Variants in TUT4 observed in about 807,000 individuals in gnomAD.
TUT4 encodes the protein terminal uridylyltransferase 4.
In TUT4, 36 loss-of-function variants were observed where a neutral mutation model predicts 192.2. That is an observed-to-expected ratio of 0.19 (90% CI 0.14 to 0.25). TUT4 has a LOEUF of 0.25. Among genes scored for constraint, TUT4 ranks in the 10% least tolerant of loss-of-function variants. TUT4 has a pLI of 1.00. For missense variants in TUT4, 1,493 were observed against 1,957.2 expected, an observed-to-expected ratio of 0.76 and a Z score of 4.47; for synonymous variants, 618 against 666.0, an observed-to-expected ratio of 0.93 and a Z score of 1.11.
intron 13 of TUT4, 120 bp from the exon 14 acceptor site, chr1:52,472,222 G>T: frequency 1.0e-6 from 1 of 994,942 alleles, no homozygotes; most frequent in African/African-American, 1.7e-5. Context: ...GCTTTCAGGA[G>T]GTAATTAAAA....
intron 4 of TUT4, among the ~76,000 whole-genome samples, chr1:52,509,207 C>T (rs372198567): frequency 6.6e-6 from 1 of 152,310 alleles, no homozygotes; most frequent in East Asian, 1.9e-4. Flanking sequence ...TCTTCCCCCC[C>T]TAACAAGACT....
chr1:52,515,770 TAAGGAAAGATG>T, intron 3 of TUT4, 110 bp downstream of exon 3: 1 of 1,128,754 alleles, frequency 8.9e-7, no homozygotes, highest in Non-Finnish European at 1.3e-6. Context: ...AAGAGGGAAG[TAAGGAAAGATG>T]AATGCAACCT....
chr1:52,458,578 C>T (rs1262012134), intron 19 of TUT4, 129 bp from the exon 20 acceptor site: 1 of 605,714 alleles, frequency 1.7e-6, no homozygotes, highest in Non-Finnish European at 2.8e-6. Flanking sequence ...ACAAACTGCA[C>T]CGTCTATAAT....
chr1:52,453,578 G>A (rs1273170367), intron 20 of TUT4, among the ~76,000 whole-genome samples: 1 of 149,350 alleles, frequency 6.7e-6, no homozygotes, highest in Non-Finnish European at 1.5e-5. Flanking sequence ...AATTTCCTCA[G>A]CTTGTTAAAC....
At chr1:52,532,076 C>T (rs1449956903) in intron 1 of TUT4, among the ~76,000 whole-genome samples, 1 of 151,504 alleles carries the variant, frequency 6.6e-6, no homozygotes, top group East Asian at 1.9e-4. Context: ...TTAGCAGATA[C>T]GGGGTTTTAC....
In TUT4 at chr1:52,474,933, A is replaced by G; in HGVS notation, c.2626T>C (p.Cys876Arg). ...TCAGAAGCATCTTCTGTAGCTTTGC[A>G]GTTGCAAGAGGTAGCAGATGTGTCG... Reference protein sequence around the residue: ...CTDTSATSCNCKATEDASDLN... With the variant: ...CTDTSATSCNRKATEDASDLN... The change falls in exon 13 of 30, where the codon TGC becomes CGC. Residue 876 changes from cysteine (C) to arginine (R), a missense_variant. Physicochemically the swap from Cys to Arg is radical, Grantham distance 180 (BLOSUM62 -3). Transcript: ENST00000257177. The G allele has an allele frequency of 6.2e-7, 1 of 1,614,152 alleles. No individual in the cohort carries two copies. The highest frequency in any genetic ancestry group is 8.5e-7 in the Non-Finnish European group (1 of 1,180,028).
chr1:52,487,396 T>A (rs1419702259), intron 9 of TUT4, among the ~76,000 whole-genome samples: 3 of 151,884 alleles, frequency 2.0e-5, no homozygotes, highest in African/African-American at 7.3e-5. Context: ...AGGCTACTGT[T>A]AGCCGTGATC....
At chr1:52,550,001 T>C (rs1262412114) in intron 1 of TUT4, among the ~76,000 whole-genome samples, 1 of 152,196 alleles carries the variant, frequency 6.6e-6, no homozygotes, top group African/African-American at 2.4e-5. Flanking sequence ...TTTGCATTTA[T>C]ATACCCTTTC....
intron 4 of TUT4, among the ~76,000 whole-genome samples, chr1:52,501,649 T>C (rs1407896003): frequency 1.3e-5 from 2 of 152,124 alleles, no homozygotes; most frequent in Non-Finnish European, 2.9e-5. Context: ...CAAATAGGTA[T>C]TTGTACATCG....
At position 52,498,539 on chromosome 1, in the gene TUT4, C is replaced by T. The variant is rs150949344; in HGVS notation, c.1000-1356G>A. 2.4e-3 allele frequency among the ~76,000 whole-genome samples: 365 copies of T among 151,978 alleles called. 16 individuals carry two copies. The East Asian group carries it at 0.061, about 26-fold the overall frequency. On this transcript the variant is annotated intron_variant, in intron 4 of 29. Coordinates refer to ENST00000257177, the MANE Select transcript of TUT4 (RefSeq NM_001009881.3). ...GATTACAGGCGTGAGCCACAGCGCCCGGCCGTTTCACTTAGGATCCATCCA... is the reference window on the plus strand; with the variant it reads ...GATTACAGGCGTGAGCCACAGCGCCTGGCCGTTTCACTTAGGATCCATCCA...
chr1:52,490,203 T>G (rs1230847945), intron 8 of TUT4, among the ~76,000 whole-genome samples: 1 of 144,828 alleles, frequency 6.9e-6, no homozygotes, highest in African/African-American at 2.5e-5. Flanking sequence ...CAGGCTGGAG[T>G]GCAGTGGCAC....
At chr1:52,471,901 A>C in intron 14 of TUT4, 51 bp downstream of exon 14, 2 of 1,514,494 alleles carry the variant, frequency 1.3e-6, no homozygotes, top group East Asian at 2.3e-5. Context: ...ATTAATATTT[A>C]ATATCTAAGA....
chr1:52,532,189 T>C (rs909873890), intron 1 of TUT4, among the ~76,000 whole-genome samples: 19 of 152,072 alleles, frequency 1.2e-4, no homozygotes, highest in Admixed American at 7.9e-4. Flanking sequence ...ATAAAACAAA[T>C]ACATTTACAT....
At chr1:52,476,641 A>T (rs1273602662) in intron 12 of TUT4, among the ~76,000 whole-genome samples, 1 of 152,160 alleles carries the variant, frequency 6.6e-6, no homozygotes, top group Non-Finnish European at 1.5e-5. Flanking sequence ...TCCCAAAGAA[A>T]ATGAAAGAGG....
intron 13 of TUT4, among the ~76,000 whole-genome samples, chr1:52,473,281 G>A (rs1666253284): frequency 6.6e-6 from 1 of 152,080 alleles, no homozygotes; most frequent in Non-Finnish European, 1.5e-5. Flanking sequence ...AAAATGGGGA[G>A]GTGTTGGTCA....
intron 20 of TUT4, among the ~76,000 whole-genome samples, chr1:52,450,884 T>C (rs1659176316): frequency 1.3e-5 from 2 of 152,112 alleles, no homozygotes; most frequent in African/African-American, 4.8e-5. Flanking sequence ...TTTTTGTTAA[T>C]CATAGTATTC....
chr1:52,543,720 G>A (rs1025678582), intron 1 of TUT4, among the ~76,000 whole-genome samples: 1 of 151,844 alleles, frequency 6.6e-6, no homozygotes, highest in Non-Finnish European at 1.5e-5. Flanking sequence ...CTGACCTCAG[G>A]TAATCCACCA....
intron 1 of TUT4, 41 bp from the exon 2 acceptor site, chr1:52,526,414 T>A: frequency 3.5e-6 from 3 of 860,578 alleles, no homozygotes; most frequent in Non-Finnish European, 4.6e-6. Context: ...TTATTTAAAA[T>A]GCAAAAACAA....
At chr1:52,469,376 A>G (rs1447384698) in intron 14 of TUT4, among the ~76,000 whole-genome samples, 2 of 152,152 alleles carry the variant, frequency 1.3e-5, no homozygotes, top group African/African-American at 4.8e-5. Context: ...ATACATAAGC[A>G]CGGTACTCTA....
Sources: allele counts gnomAD v4.1 joint callset (sites outside exome capture counted in the v4.1 genomes callset), GRCh38; gene constraint gnomAD v4.1.1; transcripts MANE v1.5; gene names NCBI Gene and HGNC (gene_info 2026-07-23, HGNC 2026-07-21).